LRCH1: variants seen among roughly 807,000 people sequenced by gnomAD.
LRCH1 encodes leucine rich repeats and calponin homology domain containing 1, also known as leucine-rich repeat and calponin homology domain-containing protein 1.
LRCH1 carries 23 observed loss-of-function variants against 94.9 expected under a neutral mutation model. That is an observed-to-expected ratio of 0.24 (90% CI 0.17 to 0.34). LRCH1 has a LOEUF of 0.34. Among genes scored for constraint, LRCH1 ranks in the 10% least tolerant of loss-of-function variants. The pLI is 1.00. For synonymous variants in LRCH1, 364 were observed against 354.9 expected, an observed-to-expected ratio of 1.03 and a Z score of -0.29; for missense variants, 790 against 945.9, an observed-to-expected ratio of 0.84 and a Z score of 2.16.
At chr13:46,668,681 C>T (rs554680813) in intron 2 of LRCH1, among the ~76,000 whole-genome samples, 1 of 135,068 alleles carries the variant, frequency 7.4e-6, no homozygotes, top group East Asian at 2.6e-4. Context: ...ATGTGCTCTC[C>T]ATCTGCCTCC....
rs111466308 is a variant in LRCH1 at position 46,690,211 on chromosome 13, A to G, written c.1014+1015A>G. The stretch of plus-strand genomic sequence containing the variant: ...CTTTATCTTTAAAAATCCTTCTAAT[A>G]TAGAGCATTTTGAAAAGAAGAAGAG... On this transcript the variant is annotated intron_variant, in intron 7 of 19. Coordinates refer to ENST00000389797, the MANE Select transcript of LRCH1 (RefSeq NM_001164211.2). 4.9e-4 allele frequency among the ~76,000 whole-genome samples: 75 copies of G among 152,172 alleles called. 1 individual carries two copies. Among genetic ancestry groups the G allele is most frequent in the African/African-American group, 1.6e-3 (67 of 41,456 alleles).
chr13:46,557,850 C>T (rs924890500), intron 1 of LRCH1, among the ~76,000 whole-genome samples: 3 of 152,018 alleles, frequency 2.0e-5, no homozygotes, highest in Non-Finnish European at 4.4e-5. Flanking sequence ...CAGAGAGAGA[C>T]TCCATCTCAA....
In LRCH1 at chr13:46,742,198, A is replaced by C. The variant is rs1593390277; in HGVS notation, c.*350A>C. ...CAGAGGGGAGGAGAATTCCAGGACAAGAGTGTCAAGGACAGGGATTTAGCA... is the reference window on the plus strand; with the variant it reads ...CAGAGGGGAGGAGAATTCCAGGACACGAGTGTCAAGGACAGGGATTTAGCA... On this transcript the variant is annotated 3_prime_UTR_variant, in exon 20 of 20. Coordinates refer to ENST00000389797, the MANE Select transcript of LRCH1 (RefSeq NM_001164211.2). 1 of 1,138,262 alleles carries C rather than the reference A, an allele frequency of 8.8e-7. No individual in the cohort carries two copies. The highest frequency in any genetic ancestry group is 1.1e-6 in the Non-Finnish European group (1 of 923,332). The allele number at this position is 1,138,262 out of a possible 1,614,324, so 70.5% of individuals were successfully genotyped here.
At chr13:46,733,791 T>A in intron 18 of LRCH1, 130 bp from the exon 19 acceptor site, 1 of 564,464 alleles carries the variant, frequency 1.8e-6, no homozygotes, top group Non-Finnish European at 3.2e-6. Context: ...TCTATTTGCT[T>A]ATGTGTTATT....
chr13:46,597,142 A>T (rs2050573136), intron 1 of LRCH1, among the ~76,000 whole-genome samples: 1 of 152,200 alleles, frequency 6.6e-6, no homozygotes, highest in African/African-American at 2.4e-5. Flanking sequence ...GGATATGTAC[A>T]GAGCAGCAAA....
In LRCH1 at chr13:46,586,608, G is replaced by A. The variant is rs189263375; in HGVS notation, c.307+32905G>A. Among the ~76,000 whole-genome samples the A allele has an allele frequency of 3.3e-5, 5 of 152,222 alleles. No individual in the cohort carries two copies. In the East Asian group the frequency reaches 9.7e-4, roughly 29 times the overall value. On this transcript the variant is annotated intron_variant, in intron 1 of 19. Coordinates refer to ENST00000389797, the MANE Select transcript of LRCH1 (RefSeq NM_001164211.2). ...GATTGTTGTATTTTTAGTAGAGATG[G>A]GGTTTCGCCATGTTGCCCAGGCTGG...
At chr13:46,749,357 G>GT (rs1454112495), downstream of LRCH1, among the ~76,000 whole-genome samples, 2 of 152,170 alleles carry the variant, frequency 1.3e-5, no homozygotes, top group Non-Finnish European at 2.9e-5. Context: ...AAAGCAGAGA[G>GT]TAGAATGGTG....
intron 1 of LRCH1, among the ~76,000 whole-genome samples, chr13:46,631,676 T>G (rs915962281): frequency 1.3e-5 from 2 of 152,172 alleles, no homozygotes; most frequent in African/African-American, 4.8e-5. Flanking sequence ...TGGATCTAGC[T>G]GTTGATTCTT....
At chr13:46,659,609 C>G (rs767851) in intron 2 of LRCH1, among the ~76,000 whole-genome samples, 12 of 152,082 alleles carry the variant, frequency 7.9e-5, no homozygotes, top group South Asian at 2.1e-4. Flanking sequence ...AGCAGTGATA[C>G]TCAGTGGGGA....
intron 11 of LRCH1, among the ~76,000 whole-genome samples, chr13:46,704,510 G>C (rs1436593020): frequency 6.6e-6 from 1 of 151,950 alleles, no homozygotes; most frequent in African/African-American, 2.4e-5. Context: ...AGATGACTTT[G>C]TAAATTTTAT....
chr13:46,737,609 T>C (rs1370678707), intron 19 of LRCH1, among the ~76,000 whole-genome samples: 1 of 152,236 alleles, frequency 6.6e-6, no homozygotes, highest in Non-Finnish European at 1.5e-5. Flanking sequence ...AACTTGGTCT[T>C]GAAGACAGGC....
At chr13:46,665,187 G>A (rs2051499122) in intron 2 of LRCH1, among the ~76,000 whole-genome samples, 2 of 152,108 alleles carry the variant, frequency 1.3e-5, no homozygotes, top group Non-Finnish European at 2.9e-5. Flanking sequence ...AAAATCACCT[G>A]TAAGAACATA....
chr13:46,606,288 G>C (rs1468187173), intron 1 of LRCH1, among the ~76,000 whole-genome samples: 1 of 151,800 alleles, frequency 6.6e-6, no homozygotes, highest in African/African-American at 2.4e-5. Context: ...TGTGAACATG[G>C]GTCATTGTGG....
intron 1 of LRCH1, among the ~76,000 whole-genome samples, chr13:46,629,120 A>T (rs545992040): frequency 5.4e-4 from 83 of 152,346 alleles, no homozygotes; most frequent in African/African-American, 2.0e-3. Flanking sequence ...CTAGCAAGCT[A>T]TAGAAAACAT....
At chr13:46,556,078 TA>T (rs1258166034) in intron 1 of LRCH1, among the ~76,000 whole-genome samples, 15 of 152,252 alleles carry the variant, frequency 9.9e-5, no homozygotes, top group African/African-American at 3.6e-4. Context: ...GAATGTCTCT[TA>T]AAATTAGAAT....
rs74428479 is a variant in LRCH1 at position 46,619,758 on chromosome 13, T to C, written c.308-30443T>C. Among the ~76,000 whole-genome samples, 763 of 152,314 alleles carry C rather than the reference T, an allele frequency of 5.0e-3. 4 individuals are homozygous for C. The highest frequency in any genetic ancestry group is 0.017 in the African/African-American group (727 of 41,572). ...GTTGTTTTTGCTGTTGTGGTGGTTG[T>C]TGTTGTTTGGAAGATGGAGTAAATT... On this transcript the variant is annotated intron_variant, in intron 1 of 19. Transcript: ENST00000389797.
intron 1 of LRCH1, among the ~76,000 whole-genome samples, chr13:46,621,438 C>A: frequency 6.6e-6 from 1 of 152,146 alleles, no homozygotes. Context: ...AAGTTGAGAT[C>A]TTAGTCTGGG....
intron 17 of LRCH1, among the ~76,000 whole-genome samples, chr13:46,727,109 C>T (rs553697287): frequency 6.6e-5 from 10 of 152,042 alleles, no homozygotes; most frequent in African/African-American, 2.2e-4. Context: ...CGGTGAACAA[C>T]GATGTACATG....
At chr13:46,737,150 G>A (rs764057703) in intron 19 of LRCH1, among the ~76,000 whole-genome samples, 13 of 152,140 alleles carry the variant, frequency 8.5e-5, no homozygotes, top group Non-Finnish European at 1.3e-4. Flanking sequence ...CCACTGTGTG[G>A]TTTCTCTAAT....
Sources: allele counts gnomAD v4.1 joint callset (sites outside exome capture counted in the v4.1 genomes callset), GRCh38; gene constraint gnomAD v4.1.1; transcripts MANE v1.5; gene names NCBI Gene and HGNC (gene_info 2026-07-23, HGNC 2026-07-21).